Variants in TEC observed in about 807,000 individuals in gnomAD.
TEC encodes tyrosine-protein kinase Tec.
Under a neutral mutation model 93.0 loss-of-function variants are expected in TEC, and 72 were observed. That is an observed-to-expected ratio of 0.77 (90% confidence interval 0.64 to 0.94). The LOEUF is 0.94. Among genes scored for constraint, TEC ranks in the 40% least tolerant of loss-of-function variants. The pLI is 0.00. For synonymous variants in TEC, 249 were observed against 247.7 expected (o/e 1.01, Z -0.05); for missense variants, 630 against 757.9 (o/e 0.83, Z 1.98).
chr4:48,263,657 A>G (rs1198261325), intron 1 of TEC, among the ~76,000 whole-genome samples: 1 of 152,102 alleles, frequency 6.6e-6, no homozygotes, highest in African/African-American at 2.4e-5. Flanking sequence ...AGATCATGCC[A>G]CTGCACTCCA....
intron 2 of TEC, among the ~76,000 whole-genome samples, chr4:48,194,219 C>A (rs1471259545): frequency 1.3e-5 from 2 of 152,220 alleles, no homozygotes; most frequent in Non-Finnish European, 2.9e-5. Context: ...AACTTTGCCT[C>A]TACCCTGCCT....
rs775757805 is a variant in TEC at position 48,167,851 on chromosome 4, A to G, written c.598T>C (p.Leu200=). The G allele has an allele frequency of 6.2e-7, 1 of 1,613,774 alleles. No individual in the cohort carries two copies. The highest frequency in any genetic ancestry group is 8.5e-7 in the Non-Finnish European group (1 of 1,179,922). Residue 200 remains leucine (L), a synonymous_variant, in exon 7 of 18, where the codon TTA becomes CTA. Coordinates refer to ENST00000381501, the MANE Select transcript of TEC (RefSeq NM_003215.3). The part of the protein sequence containing the change: ...FQAAEGHDLR[L]ERGQEYLILE... ...ATGAGATACTCTTGGCCTCTCTCTA[A>G]TCTGAGATCATGTCCTTCTGCTGCT...
intron 1 of TEC, among the ~76,000 whole-genome samples, chr4:48,263,820 G>C (rs1160282827): frequency 2.6e-5 from 4 of 152,176 alleles, no homozygotes; most frequent in African/African-American, 9.7e-5. Context: ...TGATCAATTG[G>C]TAGTGTACAC....
At chr4:48,256,651 T>C (rs1255541926) in intron 1 of TEC, among the ~76,000 whole-genome samples, 1 of 151,754 alleles carries the variant, frequency 6.6e-6, no homozygotes. Flanking sequence ...AAAGTGTCTC[T>C]TCTTTTAAAA....
chr4:48,216,456 A>G (rs1359499942), intron 2 of TEC, among the ~76,000 whole-genome samples: 2 of 152,250 alleles, frequency 1.3e-5, no homozygotes, highest in Admixed American at 6.5e-5. Context: ...ATAGCATAAA[A>G]GGAGAAATAC....
chr4:48,172,768 T>C (rs1037313345), intron 3 of TEC, among the ~76,000 whole-genome samples: 1 of 152,182 alleles, frequency 6.6e-6, no homozygotes, highest in Admixed American at 6.5e-5. Flanking sequence ...AGCCATGATA[T>C]CAGAGCGATA....
intron 8 of TEC, among the ~76,000 whole-genome samples, chr4:48,158,925 G>A (rs1361052102): frequency 1.3e-5 from 2 of 152,120 alleles, no homozygotes; most frequent in Non-Finnish European, 2.9e-5. Flanking sequence ...CCTTCTTTGG[G>A]ATATCAATTC....
intron 8 of TEC, among the ~76,000 whole-genome samples, chr4:48,158,688 A>G (rs1720500381): frequency 6.6e-6 from 1 of 152,228 alleles, no homozygotes; most frequent in Admixed American, 6.5e-5. Context: ...GTTCAGATAC[A>G]AGAAATCAGT....
At chr4:48,160,797 A>AAGAAAG (rs1158646875) in intron 8 of TEC, among the ~76,000 whole-genome samples, 2 of 132,464 alleles carry the variant, frequency 1.5e-5, no homozygotes, top group African/African-American at 2.8e-5. Context: ...GAAAAGAAGA[A>AAGAAAG]AGAAAGAGAA....
intron 1 of TEC, among the ~76,000 whole-genome samples, chr4:48,230,571 G>A (rs2464505): frequency 0.34 from 52,140 of 151,942 alleles, 10,018 homozygotes; most frequent in African/African-American, 0.53. Flanking sequence ...TATTCAAACT[G>A]CCTATCCATC....
At position 48,145,475 on chromosome 4, in the gene TEC, C is replaced by T. The variant is rs752469056; in HGVS notation, c.1186G>A (p.Ala396Thr). ...LGKWRAQYKV[A>T]IKAIREGAMC... ...GCACCTTCCCGAATAGCTTTGATTG[C>T]GACTTTGTACTGGGCTCGCCATTTG... The change falls in exon 13 of 18, where the codon GCA becomes ACA. Residue 396 changes from alanine (A) to threonine (T), a missense_variant. Physicochemically the swap from Ala to Thr is moderately conservative, Grantham distance 58. Around this residue, in one of 3 missense-constraint regions of TEC, gnomAD observed 289 missense variants for 390.0 expected, o/e 0.74. Transcript: ENST00000381501. The T allele has an allele frequency of 1.1e-5, 17 of 1,614,016 alleles. No individual in the cohort carries two copies. The highest frequency in any genetic ancestry group is 1.7e-5 in the Admixed American group (1 of 59,978).
chr4:48,163,894 A>C (rs1265291490), intron 7 of TEC, 127 bp from the exon 8 acceptor site: 5 of 505,680 alleles, frequency 9.9e-6, no homozygotes, highest in Non-Finnish European at 1.4e-5. Flanking sequence ...AGACTAGCTG[A>C]CCCCCCAAAA....
At chr4:48,252,064 A>G (rs1457636940) in intron 1 of TEC, among the ~76,000 whole-genome samples, 7 of 152,248 alleles carry the variant, frequency 4.6e-5, no homozygotes, top group Non-Finnish European at 8.8e-5. Flanking sequence ...CGCAGTTCAC[A>G]GCCTGGACTC....
intron 1 of TEC, among the ~76,000 whole-genome samples, chr4:48,266,210 T>G (rs1170753829): frequency 1.3e-5 from 2 of 152,246 alleles, no homozygotes; most frequent in Middle Eastern, 3.2e-3. Flanking sequence ...AGGAAGCTCC[T>G]TTAGGATGGG....
At chr4:48,187,194 G>A (rs1721912227) in intron 2 of TEC, among the ~76,000 whole-genome samples, 1 of 152,156 alleles carries the variant, frequency 6.6e-6, no homozygotes, top group African/African-American at 2.4e-5. Context: ...ATTAAGGGCG[G>A]TGCAAGATGT....
intron 1 of TEC, among the ~76,000 whole-genome samples, chr4:48,229,865 C>T (rs1233297941): frequency 2.0e-5 from 3 of 150,742 alleles, no homozygotes; most frequent in Non-Finnish European, 3.0e-5. Context: ...CCTGAGGTCA[C>T]GAGTTTGAGA....
intron 2 of TEC, among the ~76,000 whole-genome samples, chr4:48,185,008 T>C (rs1485195423): frequency 6.6e-6 from 1 of 151,630 alleles, no homozygotes; most frequent in Non-Finnish European, 1.5e-5. Flanking sequence ...CCTTTTACCA[T>C]CTGCAAAGCA....
intron 1 of TEC, among the ~76,000 whole-genome samples, chr4:48,238,435 C>T (rs1723841124): frequency 6.6e-6 from 1 of 152,112 alleles, no homozygotes; most frequent in African/African-American, 2.4e-5. Context: ...CTATCAATAG[C>T]ATCTAAAGAG....
intron 8 of TEC, among the ~76,000 whole-genome samples, chr4:48,163,367 C>G (rs1188460782): frequency 3.9e-5 from 6 of 152,162 alleles, no homozygotes; most frequent in Non-Finnish European, 7.4e-5. Context: ...AACATTTCCA[C>G]TCTGGAAACT....
Sources: allele counts gnomAD v4.1 joint callset (sites outside exome capture counted in the v4.1 genomes callset), GRCh38; gene constraint gnomAD v4.1.1; regional missense constraint gnomAD v4.1.1; transcripts MANE v1.5; gene names NCBI Gene and HGNC (gene_info 2026-07-23, HGNC 2026-07-21).